Variants in RSU1 observed in about 807,000 individuals in gnomAD.
The protein encoded by RSU1 is rsu-1.
A neutral mutation model predicts 31.1 loss-of-function variants in RSU1; 26 were observed. The observed-to-expected ratio is 0.84, with a 90% CI of 0.61 to 1.16. The LOEUF is 1.16. Among genes scored for constraint, RSU1 ranks in the 50% most tolerant of loss-of-function variants. RSU1 has a pLI of 0.00. For synonymous variants in RSU1, 164 were observed against 136.3 expected, an observed-to-expected ratio of 1.20 and a Z score of -1.41; for missense variants, 320 against 339.1, an observed-to-expected ratio of 0.94 and a Z score of 0.44.
At chr10:16,789,143 A>AT (rs1443165257) in intron 2 of RSU1, among the ~76,000 whole-genome samples, 3 of 152,250 alleles carry the variant, frequency 2.0e-5, no homozygotes, top group Admixed American at 2.0e-4. Flanking sequence ...CTTTTCAGTC[A>AT]TTTCATTGTG....
At chr10:16,623,106 C>T (rs1425550546) in intron 8 of RSU1, among the ~76,000 whole-genome samples, 3 of 152,030 alleles carry the variant, frequency 2.0e-5, no homozygotes, top group African/African-American at 7.3e-5. Flanking sequence ...ATGTGTGATG[C>T]TGAGTTTGGG....
chr10:16,595,170 G>A (rs1401842199), intron 8 of RSU1, among the ~76,000 whole-genome samples: 1 of 152,142 alleles, frequency 6.6e-6, no homozygotes, highest in East Asian at 1.9e-4. Flanking sequence ...TCCTGCCTTG[G>A]CCTCCCAAAG....
intron 7 of RSU1, among the ~76,000 whole-genome samples, chr10:16,740,133 C>T (rs971840449): frequency 2.6e-5 from 4 of 152,044 alleles, no homozygotes; most frequent in African/African-American, 7.2e-5. Flanking sequence ...GAAACAAAAA[C>T]TATACAAAGA....
At chr10:16,753,421 G>A (rs1247608444) in intron 5 of RSU1, among the ~76,000 whole-genome samples, 1 of 152,198 alleles carries the variant, frequency 6.6e-6, no homozygotes, top group African/African-American at 2.4e-5. Flanking sequence ...ATACAGCTCT[G>A]TTAAAATAGA....
chr10:16,706,439 C>G (rs1461188249), intron 7 of RSU1, among the ~76,000 whole-genome samples: 1 of 152,114 alleles, frequency 6.6e-6, no homozygotes, highest in Admixed American at 6.5e-5. Flanking sequence ...CATTTTTCAA[C>G]TGGGTTGTGT....
intron 5 of RSU1, among the ~76,000 whole-genome samples, 172 bp from the exon 6 acceptor site, chr10:16,753,172 A>AT (rs1455516381): frequency 6.6e-6 from 1 of 152,186 alleles, no homozygotes; most frequent in Non-Finnish European, 1.5e-5. Context: ...TTACTGGCTT[A>AT]TTGTGTAGCT....
intron 8 of RSU1, among the ~76,000 whole-genome samples, chr10:16,642,142 A>T (rs1483353531): frequency 6.6e-6 from 1 of 152,272 alleles, no homozygotes; most frequent in African/African-American, 2.4e-5. Context: ...TTTCTCTGTC[A>T]CCTGACGCAT....
chr10:16,778,855 G>A (rs779306426), intron 3 of RSU1, among the ~76,000 whole-genome samples: 3 of 152,244 alleles, frequency 2.0e-5, no homozygotes, highest in Non-Finnish European at 2.9e-5. Context: ...GAGAGGGGCA[G>A]TGAGTGCATG....
chr10:16,633,120 G>A (rs897985809), intron 8 of RSU1, among the ~76,000 whole-genome samples: 5 of 152,064 alleles, frequency 3.3e-5, no homozygotes, highest in East Asian at 1.9e-4. Flanking sequence ...CAGCACCCCC[G>A]GCTGTTACCC....
intron 8 of RSU1, among the ~76,000 whole-genome samples, chr10:16,666,432 A>C (rs1834989400): frequency 6.6e-6 from 1 of 152,192 alleles, no homozygotes; most frequent in Non-Finnish European, 1.5e-5. Context: ...TGTTGATCTG[A>C]AGATACTTAC....
chr10:16,691,684 A>T (rs1261894096), intron 8 of RSU1, among the ~76,000 whole-genome samples: 4 of 145,170 alleles, frequency 2.8e-5, no homozygotes, highest in Non-Finnish European at 6.0e-5. Flanking sequence ...CGTGGAAAGG[A>T]GGCAATGGCT....
chr10:16,609,637 A>AAATG (rs1833862342), intron 8 of RSU1, among the ~76,000 whole-genome samples: 1 of 152,334 alleles, frequency 6.6e-6, no homozygotes, highest in East Asian at 1.9e-4. Flanking sequence ...GGTTATTTTC[A>AAATG]AATGTCAACC....
intron 8 of RSU1, among the ~76,000 whole-genome samples, chr10:16,678,740 T>A (rs1451215033): frequency 2.0e-5 from 3 of 152,152 alleles, no homozygotes; most frequent in Non-Finnish European, 4.4e-5. Flanking sequence ...GTGAAGAGGA[T>A]GTGCCCACTC....
intron 4 of RSU1, among the ~76,000 whole-genome samples, chr10:16,756,359 A>C (rs1759906387): frequency 6.6e-6 from 1 of 152,212 alleles, no homozygotes; most frequent in African/African-American, 2.4e-5. Flanking sequence ...TTTTTAAATC[A>C]TACAATTGAC....
chr10:16,660,131 G>C lies in RSU1; in HGVS notation c.731+34892C>G, dbSNP rs755785749. Reference sequence around the variant, plus strand: ...CTAGTAAGGTAATACTGTCTACTACGATAAATAATACTAAAGATAATGTCT... The same window carrying C: ...CTAGTAAGGTAATACTGTCTACTACCATAAATAATACTAAAGATAATGTCT... On this transcript the variant is annotated intron_variant, in intron 8 of 8. Transcript: ENST00000345264. Among the ~76,000 whole-genome samples the C allele has an allele frequency of 3.3e-5, 5 of 152,206 alleles. No homozygotes were observed. The East Asian group carries it at 5.8e-4, about 18-fold the overall frequency.
chr10:16,646,798 C>A lies in RSU1; in HGVS notation c.731+48225G>T, dbSNP rs1322139476. ...ATGGATAAGATGTCCAGCATCAAAG[C>A]CGTTAGGGAAATGCAAATCAAAACC... On this transcript the variant is annotated intron_variant, in intron 8 of 8. Transcript: ENST00000345264. Among the ~76,000 whole-genome samples, 4 of 152,110 alleles carry A rather than the reference C, an allele frequency of 2.6e-5. No individual in the cohort carries two copies. The East Asian group carries it at 7.7e-4, about 29-fold the overall frequency.
intron 8 of RSU1, among the ~76,000 whole-genome samples, chr10:16,679,449 TTAC>T (rs1382938620): frequency 3.3e-5 from 5 of 152,130 alleles, no homozygotes; most frequent in Admixed American, 1.3e-4. Flanking sequence ...ATTATTAAAA[TTAC>T]TACTAATGAA....
chr10:16,631,753 C>T (rs528487615), intron 8 of RSU1, among the ~76,000 whole-genome samples: 79 of 152,346 alleles, frequency 5.2e-4, no homozygotes, highest in African/African-American at 1.9e-3. Context: ...AGGCCCAGGA[C>T]TCCTTCCTTG....
At chr10:16,738,273 C>T (rs745545896) in intron 7 of RSU1, among the ~76,000 whole-genome samples, 7 of 152,026 alleles carry the variant, frequency 4.6e-5, no homozygotes, top group Middle Eastern at 3.4e-3. Flanking sequence ...AGTGAAACTC[C>T]GTCTCTACTA....
Sources: gnomAD v4.1 joint callset for allele counts (sites outside exome capture counted in the v4.1 genomes callset) on GRCh38, gnomAD v4.1.1 for gene constraint, MANE v1.5 for transcripts, NCBI Gene and HGNC (gene_info 2026-07-23, HGNC 2026-07-21) for gene names.